Variants in CCSER1 observed in about 807,000 individuals in gnomAD.
CCSER1 encodes the protein serine-rich coiled-coil domain-containing protein 1.
In CCSER1, 41 loss-of-function variants were observed where a neutral mutation model predicts 82.0. That is an observed-to-expected ratio of 0.50 (90% CI 0.39 to 0.65). CCSER1 has a LOEUF of 0.65. Ranked by LOEUF, CCSER1 falls within the 30% of genes least tolerant of loss-of-function variation. The probability of loss-of-function intolerance (pLI) is 0.00; values close to 1 mark genes in which losing one functional copy is unlikely to be tolerated. For missense variants in CCSER1, 1,119 were observed against 1,064.2 expected (o/e 1.05, Z -0.72); for synonymous variants, 414 against 383.9 (o/e 1.08, Z -0.92).
intron 8 of CCSER1, among the ~76,000 whole-genome samples, chr4:90,898,652 T>G (rs1379650046): frequency 6.6e-6 from 1 of 151,926 alleles, no homozygotes; most frequent in Non-Finnish European, 1.5e-5. Flanking sequence ...TCCAGTTTAA[T>G]TCTTCTGTAT....
At chr4:91,026,663 G>T (rs1380211327) in intron 9 of CCSER1, among the ~76,000 whole-genome samples, 1 of 152,002 alleles carries the variant, frequency 6.6e-6, no homozygotes. Context: ...ATAGCAAGTT[G>T]AACTGATCTG....
chr4:91,594,378 TACAC>T (rs536745275), intron 10 of CCSER1, among the ~76,000 whole-genome samples: 2 of 137,390 alleles, frequency 1.5e-5, no homozygotes, highest in Admixed American at 1.4e-4. Context: ...CACATATATA[TACAC>T]ACATATATAC....
intron 10 of CCSER1, among the ~76,000 whole-genome samples, chr4:91,598,302 G>T (rs1041982034): frequency 1.3e-5 from 2 of 151,978 alleles, no homozygotes; most frequent in African/African-American, 4.8e-5. Context: ...AAAATAATCT[G>T]TATTTTCTGT....
intron 10 of CCSER1, among the ~76,000 whole-genome samples, chr4:91,594,428 T>C (rs1437735870): frequency 6.8e-6 from 1 of 146,964 alleles, no homozygotes; most frequent in African/African-American, 2.5e-5. Context: ...TATACATATA[T>C]ACATATACAC....
intron 5 of CCSER1, among the ~76,000 whole-genome samples, chr4:90,522,252 A>G (rs563444686): frequency 1.1e-4 from 17 of 152,282 alleles, no homozygotes; most frequent in South Asian, 6.2e-4. Flanking sequence ...AAAAATTTCA[A>G]TGTAATATAG....
intron 1 of CCSER1, among the ~76,000 whole-genome samples, chr4:90,169,424 A>C (rs1731208419): frequency 6.6e-6 from 1 of 152,108 alleles, no homozygotes; most frequent in Admixed American, 6.6e-5. Flanking sequence ...ATCTGCAAAC[A>C]GGGACAATTT....
At position 90,711,856 on chromosome 4, in the gene CCSER1, A is replaced by G. The variant is rs2085954355; in HGVS notation, c.1933-12058A>G. On this transcript the variant is annotated intron_variant, in intron 6 of 10. Coordinates refer to ENST00000509176, the MANE Select transcript of CCSER1 (RefSeq NM_001145065.2). ...GCTGGCCTCATAGAATGAACTAGGG[A>G]GAAGTAGTCCCTTCTTTTTAATTTC... 3.3e-5 allele frequency among the ~76,000 whole-genome samples: 5 copies of G among 151,762 alleles called. No homozygotes were observed. In the South Asian group the frequency reaches 1.0e-3, roughly 32 times the overall value.
At chr4:90,955,363 G>A (rs1021675893) in intron 9 of CCSER1, among the ~76,000 whole-genome samples, 4 of 152,112 alleles carry the variant, frequency 2.6e-5, no homozygotes. Context: ...GCTGCAGCAG[G>A]CAAGCATTAG....
intron 8 of CCSER1, among the ~76,000 whole-genome samples, chr4:90,833,437 G>A (rs1287951369): frequency 6.6e-6 from 1 of 152,126 alleles, no homozygotes; most frequent in Non-Finnish European, 1.5e-5. Context: ...TTCTCTAATA[G>A]GACAGTGCCA....
intron 1 of CCSER1, among the ~76,000 whole-genome samples, chr4:90,220,969 A>G (rs1742033981): frequency 6.6e-6 from 1 of 152,208 alleles, no homozygotes; most frequent in South Asian, 2.1e-4. Context: ...TAATCATGAA[A>G]TAATTTGGCA....
chr4:90,497,338 T>G (rs1172240053), intron 5 of CCSER1, among the ~76,000 whole-genome samples: 1 of 152,166 alleles, frequency 6.6e-6, no homozygotes, highest in Non-Finnish European at 1.5e-5. Flanking sequence ...GAAGCCTGTT[T>G]GTATTTACCT....
At chr4:91,154,215 C>A (rs748957792) in intron 10 of CCSER1, among the ~76,000 whole-genome samples, 1 of 152,024 alleles carries the variant, frequency 6.6e-6, no homozygotes, top group African/African-American at 2.4e-5. Flanking sequence ...GTATGGCAAA[C>A]GCCCCTCCCC....
At chr4:90,130,482 G>A (rs997393431) in intron 1 of CCSER1, among the ~76,000 whole-genome samples, 1 of 152,160 alleles carries the variant, frequency 6.6e-6, no homozygotes, top group African/African-American at 2.4e-5. Flanking sequence ...TAAGGTATAA[G>A]ATGCAAGTCT....
At chr4:91,362,772 C>T (rs1173230359) in intron 10 of CCSER1, among the ~76,000 whole-genome samples, 1 of 151,734 alleles carries the variant, frequency 6.6e-6, no homozygotes, top group Non-Finnish European at 1.5e-5. Flanking sequence ...AGACCTAGCT[C>T]AAATATAACT....
At chr4:91,379,882 T>G (rs1331227120) in intron 10 of CCSER1, among the ~76,000 whole-genome samples, 2 of 152,210 alleles carry the variant, frequency 1.3e-5, no homozygotes, top group Non-Finnish European at 2.9e-5. Context: ...TTGTGGGCAT[T>G]AAGTGCTATA....
In CCSER1 at chr4:91,158,208, G is replaced by C. The variant is rs59708283; in HGVS notation, c.2217+72214G>C. On this transcript the variant is annotated intron_variant, in intron 10 of 10. Coordinates refer to ENST00000509176, the MANE Select transcript of CCSER1 (RefSeq NM_001145065.2). The stretch of plus-strand genomic sequence containing the variant: ...AGATCACTTGAATATCTCTCAGTTA[G>C]TATTAAATATGCTATTTGAAGGTTA... 7.8e-3 allele frequency among the ~76,000 whole-genome samples: 1,180 copies of C among 152,064 alleles called. 93 individuals are homozygous for C. In the East Asian group the frequency reaches 0.19, roughly 24 times the overall value.
chr4:90,988,939 T>G (rs1296115430), intron 9 of CCSER1, among the ~76,000 whole-genome samples: 2 of 151,816 alleles, frequency 1.3e-5, no homozygotes, highest in Admixed American at 6.6e-5. Context: ...ATCAACAGAC[T>G]TGGCTAGACA....
In CCSER1 at chr4:91,599,886, T is replaced by C. The variant is rs575005575; in HGVS notation, c.*829T>C. The C allele has an allele frequency of 6.6e-6, 1 of 152,188 alleles. No homozygotes were observed. The highest frequency in any genetic ancestry group is 1.5e-5 in the Non-Finnish European group (1 of 68,020). The allele number at this position is 152,188 out of a possible 1,614,324, so 9.4% of individuals were successfully genotyped here. ...ATTCTTTGAGCCACTGTCATGGCAA[T>C]ATAAACATTTTTTCAAAATTTCAAG... On this transcript the variant is annotated 3_prime_UTR_variant, in exon 11 of 11. Coordinates refer to ENST00000509176, the MANE Select transcript of CCSER1 (RefSeq NM_001145065.2).
At chr4:90,531,162 T>G (rs190028594) in intron 5 of CCSER1, among the ~76,000 whole-genome samples, 1 of 147,672 alleles carries the variant, frequency 6.8e-6, no homozygotes, top group East Asian at 2.0e-4. Context: ...TGGCCTTTTG[T>G]TTTTTTTTTA....
Sources: gnomAD v4.1 joint callset for allele counts (sites outside exome capture counted in the v4.1 genomes callset) on GRCh38, gnomAD v4.1.1 for gene constraint, MANE v1.5 for transcripts, NCBI Gene and HGNC (gene_info 2026-07-23, HGNC 2026-07-21) for gene names.